Variants in CALN1 observed in about 807,000 individuals in gnomAD.
The protein encoded by CALN1 is calneuron 1, also known as calcium-binding protein 8.
A neutral mutation model predicts 30.6 loss-of-function variants in CALN1; 17 were observed. The ratio of observed to expected loss-of-function variants is 0.56; its 90% confidence interval spans 0.38 to 0.83. The LOEUF (loss-of-function observed/expected upper bound fraction) is 0.83. CALN1 is among the 40% of genes least tolerant of loss of function. The pLI is 0.00. For synonymous variants in CALN1, 156 were observed against 131.4 expected (o/e 1.19, Z -1.28); for missense variants, 291 against 354.9 (o/e 0.82, Z 1.45).
chr7:72,000,387 A>G (rs909405648), intron 5 of CALN1, among the ~76,000 whole-genome samples: 1 of 151,786 alleles, frequency 6.6e-6, no homozygotes, highest in Non-Finnish European at 1.5e-5. Context: ...GAATAGGGGA[A>G]TACTATGAAT....
chr7:72,384,391 T>C (rs377276758), intron 2 of CALN1, among the ~76,000 whole-genome samples: 1 of 152,134 alleles, frequency 6.6e-6, no homozygotes, highest in Non-Finnish European at 1.5e-5. Flanking sequence ...CACAAAGAAA[T>C]GAACCTTTAA....
chr7:71,979,325 C>T (rs1047237928), intron 5 of CALN1, among the ~76,000 whole-genome samples: 3 of 152,098 alleles, frequency 2.0e-5, no homozygotes, highest in African/African-American at 7.2e-5. Context: ...AATTATACAT[C>T]TCATCATAAT....
intron 1 of CALN1, among the ~76,000 whole-genome samples, chr7:72,411,718 C>G (rs1235528873): frequency 6.6e-6 from 1 of 152,104 alleles, no homozygotes; most frequent in Non-Finnish European, 1.5e-5. Flanking sequence ...GAAGACACAG[C>G]CAATCACCAA....
rs1218887763 is a variant in CALN1 at position 72,106,438 on chromosome 7, CAGA to C, written c.245-147_245-145del. The C allele has an allele frequency of 1.4e-4, 117 of 835,866 alleles. 2 individuals are homozygous for C. In the South Asian group the frequency reaches 4.0e-3, roughly 29 times the overall value. The allele number at this position is 835,866 out of a possible 1,614,324, so 51.8% of individuals were successfully genotyped here. A position where few individuals can be genotyped will look rare whatever the true frequency, so the allele number is the denominator to read the frequency against. On this transcript the variant is annotated intron_variant, in intron 3 of 6. Transcript: ENST00000395275. The stretch of plus-strand genomic sequence containing the variant: ...CTCTTTAATCAGATAAAAGGGAGGA[CAGA>C]AGAAGAACAGAAGAAAAGAAACGAA...
At chr7:72,098,766 A>G (rs796291220) in intron 4 of CALN1, among the ~76,000 whole-genome samples, 3 of 80,600 alleles carry the variant, frequency 3.7e-5, no homozygotes, top group African/African-American at 1.2e-4. Flanking sequence ...TTTGGCGCGC[A>G]CACACACACA....
intron 3 of CALN1, among the ~76,000 whole-genome samples, chr7:72,247,138 C>CCCAGATAGT (rs945809665): frequency 1.3e-5 from 2 of 151,876 alleles, no homozygotes; most frequent in Non-Finnish European, 2.9e-5. Flanking sequence ...CCTATCCCCA[C>CCCAGATAGT]CCAGATAGTT....
At chr7:72,300,416 AAC>A (rs1799175826) in intron 2 of CALN1, among the ~76,000 whole-genome samples, 1 of 150,546 alleles carries the variant, frequency 6.6e-6, no homozygotes. Context: ...GAACAACAAC[AAC>A]AAAAAAGATA....
At chr7:72,039,943 G>GCAGCTC (rs1457476270) in intron 4 of CALN1, among the ~76,000 whole-genome samples, 4 of 152,110 alleles carry the variant, frequency 2.6e-5, no homozygotes, top group Admixed American at 6.6e-5. Flanking sequence ...AAACTCAACA[G>GCAGCTC]CAGCTCCAGC....
intron 3 of CALN1, among the ~76,000 whole-genome samples, 191 bp from the exon 4 acceptor site, chr7:72,106,485 G>GA (rs1807121806): frequency 6.8e-6 from 1 of 147,286 alleles, no homozygotes; most frequent in South Asian, 2.2e-4. Flanking sequence ...AAAGGAAAGA[G>GA]AAAAAAGGAA....
intron 3 of CALN1, among the ~76,000 whole-genome samples, chr7:72,135,597 A>G (rs1026068896): frequency 1.3e-5 from 2 of 152,210 alleles, no homozygotes; most frequent in African/African-American, 4.8e-5. Flanking sequence ...ACCATGCTAT[A>G]AACAGATGTG....
chr7:72,371,126 T>G (rs574761727), intron 2 of CALN1, among the ~76,000 whole-genome samples: 1 of 152,276 alleles, frequency 6.6e-6, no homozygotes, highest in South Asian at 2.1e-4. Context: ...TAATAATGCT[T>G]TTGGTGTCCT....
chr7:72,333,065 C>T (rs370458419), intron 2 of CALN1, among the ~76,000 whole-genome samples: 13 of 152,338 alleles, frequency 8.5e-5, no homozygotes, highest in African/African-American at 3.1e-4. Flanking sequence ...CCAAGAACTC[C>T]AAACTACCAG....
chr7:71,993,902 G>A (rs1204028528), intron 5 of CALN1, among the ~76,000 whole-genome samples: 2 of 152,112 alleles, frequency 1.3e-5, no homozygotes, highest in Admixed American at 1.3e-4. Flanking sequence ...TTATGAACCT[G>A]CAAGAGATGA....
chr7:72,161,130 T>A (rs1788079413), intron 3 of CALN1, among the ~76,000 whole-genome samples: 1 of 152,216 alleles, frequency 6.6e-6, no homozygotes, highest in Non-Finnish European at 1.5e-5. Flanking sequence ...CAGCCATTTT[T>A]TGACCATGAG....
At chr7:72,406,634 T>TTTTTTA (rs10655068) in intron 1 of CALN1, among the ~76,000 whole-genome samples, 1 of 151,452 alleles carries the variant, frequency 6.6e-6, no homozygotes, top group Non-Finnish European at 1.5e-5. Flanking sequence ...TTTTCTTTTT[T>TTTTTTA]AAGACGGAGT....
intron 3 of CALN1, among the ~76,000 whole-genome samples, chr7:72,161,502 T>G (rs545211968): frequency 6.6e-6 from 1 of 152,316 alleles, no homozygotes; most frequent in East Asian, 1.9e-4. Context: ...TCTATTTGCT[T>G]AAGGCACTCA....
At chr7:72,076,369 C>T (rs1300503068) in intron 4 of CALN1, among the ~76,000 whole-genome samples, 18 of 151,292 alleles carry the variant, frequency 1.2e-4, no homozygotes, top group African/African-American at 4.4e-4. Context: ...GAGGCCGAGG[C>T]GAGCAGATCA....
chr7:71,897,990 AAAGAGAGAGAGAGGGAGGGAGGGGGGGG>A lies in CALN1; in HGVS notation c.502-87526_502-87499del, dbSNP rs1356358455. On this transcript the variant is annotated intron_variant, in intron 5 of 6. Coordinates refer to ENST00000395275, the MANE Select transcript of CALN1 (RefSeq NM_031468.4). ...CAAAAAACAAAAAAAAAAAAAAAAAAAAGAGAGAGAGAGGGAGGGAGGGGGGGGGAGAGAGAGAGAGAGAGAGAGAATG... is the reference window on the plus strand; with the variant it reads ...CAAAAAACAAAAAAAAAAAAAAAAAAGAGAGAGAGAGAGAGAGAGAGAATG... Among the ~76,000 whole-genome samples the A allele has an allele frequency of 3.1e-3, 357 of 113,608 alleles. 6 individuals are homozygous for A. The highest frequency in any genetic ancestry group is 0.013 in the African/African-American group (322 of 25,652). The allele number at this position is 113,608 out of a possible 152,430, so 74.5% of individuals were successfully genotyped here. A position where few individuals can be genotyped will look rare whatever the true frequency, so the allele number is the denominator to read the frequency against.
intron 3 of CALN1, among the ~76,000 whole-genome samples, chr7:72,199,639 C>A (rs1791281113): frequency 6.6e-6 from 1 of 152,124 alleles, no homozygotes; most frequent in Non-Finnish European, 1.5e-5. Context: ...TCACTTGAGC[C>A]CAGGAGTTCG....
Sources: allele counts gnomAD v4.1 joint callset (sites outside exome capture counted in the v4.1 genomes callset), GRCh38; gene constraint gnomAD v4.1.1; transcripts MANE v1.5; gene names NCBI Gene and HGNC (gene_info 2026-07-23, HGNC 2026-07-21).